The following PPDPFL variants were observed in gnomAD, a reference collection of about 807,000 sequenced individuals.
PPDPFL encodes pancreatic progenitor cell differentiation and proliferation factor like.
In PPDPFL, 12 loss-of-function variants were observed where a neutral mutation model predicts 12.6. That is an observed-to-expected ratio of 0.95 (90% CI 0.61 to 1.54). The LOEUF is 1.54. Ranked by LOEUF, PPDPFL falls within the 40% of genes most tolerant of loss-of-function variation. The pLI is 0.00. For synonymous variants in PPDPFL, 24 were observed against 32.7 expected (o/e 0.73, Z 0.91); for missense variants, 114 against 96.0 (o/e 1.19, Z -0.78).
At chr8:49,055,742 G>C (rs546143056) in intron 1 of PPDPFL, among the ~76,000 whole-genome samples, 1 of 151,784 alleles carries the variant, frequency 6.6e-6, no homozygotes, top group Non-Finnish European at 1.5e-5. Flanking sequence ...TAAAACCCTT[G>C]GTCTAGACAC....
At chr8:49,073,611 G>T (rs2129246312) in intron 2 of PPDPFL, among the ~76,000 whole-genome samples, 1 of 152,228 alleles carries the variant, frequency 6.6e-6, no homozygotes, top group East Asian at 1.9e-4. Context: ...AGAGACATAG[G>T]TTTTAAATAC....
intron 4 of PPDPFL, chr8:49,074,883 A>G: frequency 1.4e-6 from 2 of 1,385,660 alleles, no homozygotes; most frequent in Non-Finnish European, 1.9e-6. Flanking sequence ...CCTAGTAACT[A>G]AATGGAATAG....
intron 2 of PPDPFL, 109 bp from the exon 3 acceptor site, chr8:49,073,950 G>T: frequency 1.4e-6 from 1 of 716,782 alleles, no homozygotes; most frequent in Non-Finnish European, 2.4e-6. Context: ...CACAAGCCAG[G>T]AATAAATGAT....
intron 1 of PPDPFL, among the ~76,000 whole-genome samples, chr8:49,055,810 T>G (rs905533358): frequency 6.6e-6 from 1 of 152,068 alleles, no homozygotes; most frequent in African/African-American, 2.4e-5. Flanking sequence ...CTTTACCAGT[T>G]GCCTAGGTGG....
chr8:49,055,656 C>T (rs1808101316), intron 1 of PPDPFL, among the ~76,000 whole-genome samples: 1 of 152,134 alleles, frequency 6.6e-6, no homozygotes, highest in South Asian at 2.1e-4. Flanking sequence ...GCTCTGGCCT[C>T]TGTACTGAGC....
upstream of PPDPFL, among the ~76,000 whole-genome samples, chr8:49,068,381 A>G (rs542304307): frequency 6.6e-6 from 1 of 152,172 alleles, no homozygotes; most frequent in South Asian, 2.1e-4. Flanking sequence ...AGTACAGAGG[A>G]CAGAGAGAAC....
chr8:49,068,028 T>A (rs1054287683), upstream of PPDPFL, among the ~76,000 whole-genome samples: 2 of 152,218 alleles, frequency 1.3e-5, no homozygotes, highest in Admixed American at 1.3e-4. Flanking sequence ...TTATGTCAGT[T>A]ATAGCATTTA....
chr8:49,064,594 A>G (rs1808265488), intron 1 of PPDPFL, among the ~76,000 whole-genome samples: 1 of 152,158 alleles, frequency 6.6e-6, no homozygotes, highest in South Asian at 2.1e-4. Context: ...CACTCACTTC[A>G]GTCCAGCATC....
At chr8:49,055,950 C>T (rs1027693395) in intron 1 of PPDPFL, among the ~76,000 whole-genome samples, 9 of 152,224 alleles carry the variant, frequency 5.9e-5, no homozygotes, top group East Asian at 5.8e-4. Flanking sequence ...CTTTTGTTAT[C>T]GCTCTCATGG....
At chr8:49,074,868 G>C in intron 4 of PPDPFL, 3 of 1,390,024 alleles carry the variant, frequency 2.2e-6, no homozygotes, top group Non-Finnish European at 2.8e-6. Flanking sequence ...TTAGACATTT[G>C]AATGCCTAGT....
At chr8:49,074,610 C>T (rs1808458669) in intron 4 of PPDPFL, 1 of 1,535,698 alleles carries the variant, frequency 6.5e-7, no homozygotes, top group East Asian at 2.4e-5. Context: ...GGGGGATGGA[C>T]TGAGAATCAG....
intron 1 of PPDPFL, among the ~76,000 whole-genome samples, chr8:49,063,131 G>A (rs1173879980): frequency 6.6e-6 from 1 of 152,140 alleles, no homozygotes; most frequent in East Asian, 1.9e-4. Flanking sequence ...TTGTTAGGGC[G>A]GTATGTATAG....
intron 1 of PPDPFL, among the ~76,000 whole-genome samples, chr8:49,061,800 A>G (rs1808209320): frequency 6.6e-6 from 1 of 152,198 alleles, no homozygotes; most frequent in South Asian, 2.1e-4. Context: ...GAGTCTGCTT[A>G]ATTATGAGAA....
At chr8:49,057,858 A>G (rs1808135999) in intron 1 of PPDPFL, among the ~76,000 whole-genome samples, 1 of 152,238 alleles carries the variant, frequency 6.6e-6, no homozygotes, top group Non-Finnish European at 1.5e-5. Flanking sequence ...AGATTAACTG[A>G]AAAGTAAAGG....
intron 1 of PPDPFL, among the ~76,000 whole-genome samples, chr8:49,066,358 C>G (rs1808300289): frequency 6.6e-6 from 1 of 152,176 alleles, no homozygotes; most frequent in South Asian, 2.1e-4. Flanking sequence ...GTGGCTTCAT[C>G]ATAGTTGACA....
In PPDPFL at chr8:49,055,553, G is replaced by A. The variant is rs558355403; in HGVS notation, c.-45+1184G>A. Among the ~76,000 whole-genome samples the A allele has an allele frequency of 2.6e-5, 4 of 152,180 alleles. No individual in the cohort carries two copies. The East Asian group carries it at 7.7e-4, about 29-fold the overall frequency. ...CATTTAGACTTTTGGTTTTAAATATGATATTACATTGGTAATTTCCAGGAC... is the reference window on the plus strand; with the variant it reads ...CATTTAGACTTTTGGTTTTAAATATAATATTACATTGGTAATTTCCAGGAC... On this transcript the variant is annotated intron_variant, in intron 1 of 4. Coordinates refer to the PPDPFL transcript ENST00000517663.
intron 1 of PPDPFL, among the ~76,000 whole-genome samples, chr8:49,064,744 G>T (rs1808268404): frequency 6.6e-6 from 1 of 152,168 alleles, no homozygotes; most frequent in Non-Finnish European, 1.5e-5. Context: ...GATGCACTCT[G>T]CATTTCATAG....
rs1250756521 is a variant in PPDPFL at position 49,074,218 on chromosome 8, G to T, written c.134-16G>T. The T allele has an allele frequency of 1.2e-6, 2 of 1,611,904 alleles. No homozygotes were observed. Among genetic ancestry groups the T allele is most frequent in the African/African-American group, 2.7e-5 (2 of 74,872 alleles). ...AAATTTGTTTGATAAGGAGTAACAT[G>T]AATTTTATTTAATAGGGTTGCCTGA... On this transcript the variant is annotated splice_polypyrimidine_tract_variant and intron_variant, in intron 3 of 4. Coordinates refer to ENST00000522267, the MANE Select transcript of PPDPFL (RefSeq NM_001256597.2).
intron 1 of PPDPFL, among the ~76,000 whole-genome samples, chr8:49,064,291 G>T (rs1315441654): frequency 6.6e-6 from 1 of 152,158 alleles, no homozygotes; most frequent in African/African-American, 2.4e-5. Context: ...ATATGGGTCG[G>T]TCCTCTGGGT....
Sources: gnomAD v4.1 joint callset for allele counts (sites outside exome capture counted in the v4.1 genomes callset) on GRCh38, gnomAD v4.1.1 for gene constraint, MANE v1.5 for transcripts, NCBI Gene and HGNC (gene_info 2026-07-23, HGNC 2026-07-21) for gene names.